The following DPP10 variants were observed in gnomAD, a reference collection of about 807,000 sequenced individuals.
DPP10 encodes the protein dipeptidyl peptidase like 10.
Under a neutral mutation model 120.9 loss-of-function variants are expected in DPP10, and 33 were observed. The observed-to-expected ratio is 0.27, with a 90% CI of 0.21 to 0.37. DPP10 has a LOEUF of 0.37. Among genes scored for constraint, DPP10 ranks in the 10% least tolerant of loss-of-function variants. The probability of loss-of-function intolerance (pLI) is 1.00; values close to 1 mark genes in which losing one functional copy is unlikely to be tolerated. For missense variants in DPP10, 816 were observed against 942.8 expected (o/e 0.87, Z 1.76); for synonymous variants, 337 against 326.1 (o/e 1.03, Z -0.36).
At chr2:114,956,596 C>T (rs1346416426) in intron 1 of DPP10, among the ~76,000 whole-genome samples, 1 of 151,954 alleles carries the variant, frequency 6.6e-6, no homozygotes, top group Non-Finnish European at 1.5e-5. Flanking sequence ...AAAAAAGTGT[C>T]CTAAAATTTA....
At chr2:114,737,051 C>T (rs559728649) in intron 1 of DPP10, among the ~76,000 whole-genome samples, 26 of 152,180 alleles carry the variant, frequency 1.7e-4, no homozygotes, top group African/African-American at 5.1e-4. Context: ...TAAATTAAAA[C>T]GAAATAGTAG....
At chr2:115,509,357 T>C (rs1190542215) in intron 4 of DPP10, among the ~76,000 whole-genome samples, 19 of 152,274 alleles carry the variant, frequency 1.2e-4, no homozygotes, top group African/African-American at 4.3e-4. Flanking sequence ...GTTAGAATGA[T>C]GTATCAGGGA....
intron 5 of DPP10, among the ~76,000 whole-genome samples, chr2:115,603,560 G>GTTTTTTTTT (rs10637786): frequency 2.4e-5 from 3 of 126,424 alleles, no homozygotes; most frequent in Non-Finnish European, 3.2e-5. Flanking sequence ...CGTTGTTGTT[G>GTTTTTTTTT]TTTTTTTTTG....
chr2:114,741,903 C>T (rs2105990993), intron 1 of DPP10, among the ~76,000 whole-genome samples: 1 of 152,232 alleles, frequency 6.6e-6, no homozygotes, highest in South Asian at 2.1e-4. Context: ...AGCTTCTTTC[C>T]TTTAGAAATG....
chr2:115,179,976 A>G (rs995540261), intron 1 of DPP10, among the ~76,000 whole-genome samples: 4 of 152,182 alleles, frequency 2.6e-5, no homozygotes, highest in African/African-American at 4.8e-5. Flanking sequence ...TTTAAAATCA[A>G]ATAACCTCTT....
intron 5 of DPP10, among the ~76,000 whole-genome samples, chr2:115,615,766 T>A (rs1310454980): frequency 3.3e-5 from 5 of 152,156 alleles, no homozygotes; most frequent in Non-Finnish European, 7.4e-5. Context: ...CTCAATTAAT[T>A]AACCAGACAT....
At chr2:114,924,177 A>G (rs1409849907) in intron 1 of DPP10, among the ~76,000 whole-genome samples, 1 of 152,166 alleles carries the variant, frequency 6.6e-6, no homozygotes, top group Non-Finnish European at 1.5e-5. Context: ...ACCAGCTCAT[A>G]ATAGAGCTGG....
At chr2:115,664,467 A>C (rs1263227796) in intron 5 of DPP10, among the ~76,000 whole-genome samples, 1 of 152,146 alleles carries the variant, frequency 6.6e-6, no homozygotes, top group Non-Finnish European at 1.5e-5. Flanking sequence ...ACTATAATTA[A>C]CAATAATGCT....
intron 5 of DPP10, among the ~76,000 whole-genome samples, chr2:115,665,832 C>G (rs1002811739): frequency 6.6e-6 from 1 of 152,020 alleles, no homozygotes; most frequent in Non-Finnish European, 1.5e-5. Context: ...CAATCAGTGG[C>G]AATTTATATT....
intron 3 of DPP10, among the ~76,000 whole-genome samples, chr2:115,386,953 C>T (rs1232808803): frequency 6.6e-6 from 1 of 151,570 alleles, no homozygotes; most frequent in Non-Finnish European, 1.5e-5. Flanking sequence ...CAAAATGCCT[C>T]CCTTTAAAGA....
chr2:115,753,121 C>T, intron 10 of DPP10, 53 bp from the exon 11 acceptor site: 1 of 1,547,420 alleles, frequency 6.5e-7, no homozygotes, highest in Non-Finnish European at 8.8e-7. Flanking sequence ...ATTGTTGGTA[C>T]TATATCAATG....
intron 1 of DPP10, among the ~76,000 whole-genome samples, chr2:114,781,147 A>G (rs1241645849): frequency 6.6e-6 from 1 of 152,138 alleles, no homozygotes; most frequent in African/African-American, 2.4e-5. Flanking sequence ...ACACAATAAC[A>G]TTTTGTAGAG....
intron 5 of DPP10, among the ~76,000 whole-genome samples, chr2:115,541,349 A>G (rs970102048): frequency 1.1e-4 from 16 of 151,768 alleles, no homozygotes; most frequent in African/African-American, 2.7e-4. Flanking sequence ...CTGTGGCTGC[A>G]TTTCTGATAA....
intron 3 of DPP10, among the ~76,000 whole-genome samples, chr2:115,478,461 A>G (rs1558725654): frequency 6.6e-6 from 1 of 152,200 alleles, no homozygotes; most frequent in Non-Finnish European, 1.5e-5. Flanking sequence ...CATTTAGAAG[A>G]AAGCAGGACA....
chr2:115,562,904 A>T lies in DPP10; in HGVS notation c.441+36932A>T, dbSNP rs373908156. Among the ~76,000 whole-genome samples, 191 of 152,302 alleles carry T rather than the reference A, an allele frequency of 1.3e-3. 1 individual carries two copies. The highest frequency in any genetic ancestry group is 4.5e-3 in the African/African-American group (188 of 41,564). ...CATTGGTACTGGGTGATCACAGGGA[A>T]TCTCAGTGATCAGAGATTAGGTAAT... On this transcript the variant is annotated intron_variant, in intron 5 of 25. Transcript: ENST00000410059.
intron 19 of DPP10, among the ~76,000 whole-genome samples, chr2:115,791,564 A>G (rs1683991361): frequency 6.6e-6 from 1 of 152,166 alleles, no homozygotes; most frequent in African/African-American, 2.4e-5. Flanking sequence ...TGCATCCCAC[A>G]TGGAGTTTGG....
intron 1 of DPP10, among the ~76,000 whole-genome samples, chr2:114,928,117 G>A (rs1335563409): frequency 6.6e-6 from 1 of 152,050 alleles, no homozygotes; most frequent in African/African-American, 2.4e-5. Context: ...ACAGCATTTT[G>A]CCCCTGGCCT....
intron 3 of DPP10, among the ~76,000 whole-genome samples, chr2:115,367,506 T>G (rs781697228): frequency 6.6e-6 from 1 of 152,024 alleles, no homozygotes; most frequent in African/African-American, 2.4e-5. Flanking sequence ...AATTTTAATA[T>G]TAACTATCAT....
chr2:115,723,148 A>G (rs1452189059), intron 7 of DPP10, among the ~76,000 whole-genome samples: 3 of 152,206 alleles, frequency 2.0e-5, no homozygotes, highest in Non-Finnish European at 2.9e-5. Context: ...TGTAAATTTC[A>G]GGCTTTCTAA....
Sources: gnomAD v4.1 joint callset for allele counts (sites outside exome capture counted in the v4.1 genomes callset) on GRCh38, gnomAD v4.1.1 for gene constraint, MANE v1.5 for transcripts, NCBI Gene and HGNC (gene_info 2026-07-23, HGNC 2026-07-21) for gene names.